Variants in RAB3GAP1 observed in about 807,000 individuals in gnomAD.
RAB3GAP1 encodes the protein RAB3 GTPase activating protein catalytic subunit 1, also known as rab3 GTPase-activating protein catalytic subunit.
In RAB3GAP1, 86 loss-of-function variants were observed where a neutral mutation model predicts 130.7. That is an observed-to-expected ratio of 0.66 (90% CI 0.55 to 0.79). The LOEUF (loss-of-function observed/expected upper bound fraction) is 0.79. Among genes scored for constraint, RAB3GAP1 ranks in the 30% least tolerant of loss-of-function variants. The pLI is 0.00. For missense variants in RAB3GAP1, 1,029 were observed against 1,169.4 expected (o/e 0.88, Z 1.75); for synonymous variants, 367 against 401.7 (o/e 0.91, Z 1.03).
chr2:135,172,103 T>C (rs1036862093), downstream of RAB3GAP1, among the ~76,000 whole-genome samples: 1 of 151,988 alleles, frequency 6.6e-6, no homozygotes, highest in Non-Finnish European at 1.5e-5. Context: ...ATTGGAGAGT[T>C]TGAACCAGGG....
chr2:135,074,495 T>C, intron 3 of RAB3GAP1, among the ~76,000 whole-genome samples: 1 of 152,210 alleles, frequency 6.6e-6, no homozygotes, highest in East Asian at 1.9e-4. Context: ...CTTTGAACTC[T>C]TACCCGATTG....
At chr2:135,137,260 T>G (rs1321322599) in intron 17 of RAB3GAP1, 2 of 409,054 alleles carry the variant, frequency 4.9e-6, no homozygotes, top group Non-Finnish European at 9.7e-6. Context: ...TGTCTGTAGT[T>G]AAAGGTATTG....
At chr2:135,070,668 C>A (rs149630753) in intron 3 of RAB3GAP1, among the ~76,000 whole-genome samples, 2 of 152,056 alleles carry the variant, frequency 1.3e-5, no homozygotes, top group Admixed American at 1.3e-4. Flanking sequence ...CCATCACGCC[C>A]GTCCAATTTT....
chr2:135,099,463 G>A (rs7575424), intron 5 of RAB3GAP1, among the ~76,000 whole-genome samples: 39,358 of 149,128 alleles, frequency 0.26, 8,446 homozygotes, highest in African/African-American at 0.6. Flanking sequence ...GTGTGTGTGT[G>A]TGTATGTATG....
At chr2:135,113,031 C>T (rs1238399454) in intron 5 of RAB3GAP1, 120 bp from the exon 6 acceptor site, 2 of 1,400,056 alleles carry the variant, frequency 1.4e-6, no homozygotes, top group Non-Finnish European at 2.0e-6. Context: ...AAAAGAAACA[C>T]TTTTAGTTTA....
chr2:135,165,076 C>A (rs1485499944), intron 23 of RAB3GAP1: 1 of 448,334 alleles, frequency 2.2e-6, no homozygotes, highest in African/African-American at 2.0e-5. Flanking sequence ...CCATGTAGGG[C>A]AAAGTGGAGT....
chr2:135,112,834 T>TCACACACACACA (rs200860381), intron 5 of RAB3GAP1, among the ~76,000 whole-genome samples: 2 of 132,372 alleles, frequency 1.5e-5, no homozygotes, highest in Non-Finnish European at 3.1e-5. Context: ...TCTCTCTCTC[T>TCACACACACACA]CACACACACA....
intron 16 of RAB3GAP1, 72 bp from the exon 17 acceptor site, chr2:135,135,492 A>T (rs1691652274): frequency 2.7e-6 from 4 of 1,489,954 alleles, no homozygotes; most frequent in Non-Finnish European, 3.6e-6. Flanking sequence ...AAAATTAAAT[A>T]TTCAAGCAGT....
chr2:135,097,216 C>CTTTT (rs11396739), intron 5 of RAB3GAP1, among the ~76,000 whole-genome samples: 3 of 139,910 alleles, frequency 2.1e-5, no homozygotes, highest in African/African-American at 5.3e-5. Context: ...GTCCTTCCCA[C>CTTTT]TTTTTTTTTT....
At chr2:135,116,757 A>G (rs1173495924) in intron 7 of RAB3GAP1, among the ~76,000 whole-genome samples, 1 of 152,166 alleles carries the variant, frequency 6.6e-6, no homozygotes, top group East Asian at 1.9e-4. Context: ...AAAAAATGTC[A>G]TATGCATAAT....
chr2:135,086,486 G>A (rs1048330119), intron 3 of RAB3GAP1, among the ~76,000 whole-genome samples: 6 of 151,884 alleles, frequency 4.0e-5, no homozygotes, highest in African/African-American at 9.7e-5. Context: ...TAGTCATCTG[G>A]TAATTAATCA....
intron 19 of RAB3GAP1, among the ~76,000 whole-genome samples, chr2:135,156,549 A>T (rs1454237057): frequency 6.6e-6 from 1 of 152,232 alleles, no homozygotes; most frequent in East Asian, 1.9e-4. Flanking sequence ...TTAAGTAGAA[A>T]ATTGTATCTC....
intron 17 of RAB3GAP1, among the ~76,000 whole-genome samples, chr2:135,142,882 G>GT (rs140298662): frequency 2.7e-5 from 4 of 149,780 alleles, no homozygotes; most frequent in African/African-American, 9.9e-5. Context: ...TACAGCTGGA[G>GT]TTTATTTTTT....
At chr2:135,102,969 C>T (rs540560186) in intron 5 of RAB3GAP1, among the ~76,000 whole-genome samples, 3 of 139,094 alleles carry the variant, frequency 2.2e-5, no homozygotes, top group Non-Finnish European at 3.0e-5. Flanking sequence ...AAGTCAAGAT[C>T]GCACACCAGA....
chr2:135,127,932 T>G (rs933621900), intron 11 of RAB3GAP1, among the ~76,000 whole-genome samples: 2 of 152,196 alleles, frequency 1.3e-5, no homozygotes, highest in African/African-American at 4.8e-5. Flanking sequence ...CCTTGTCATC[T>G]TTTTCCTCCT....
chr2:135,097,192 G>A (rs1690322047), intron 5 of RAB3GAP1, among the ~76,000 whole-genome samples: 3 of 147,756 alleles, frequency 2.0e-5, no homozygotes, highest in South Asian at 4.3e-4. Context: ...TTGTCTCTTA[G>A]TAAGCATAGG....
chr2:135,067,334 A>G (rs1402431066), intron 3 of RAB3GAP1, among the ~76,000 whole-genome samples: 1 of 152,158 alleles, frequency 6.6e-6, no homozygotes, highest in African/African-American at 2.4e-5. Flanking sequence ...GCTACTCACA[A>G]CCTTGTTTGG....
intron 5 of RAB3GAP1, among the ~76,000 whole-genome samples, chr2:135,109,785 T>C (rs1690744428): frequency 1.3e-5 from 2 of 151,986 alleles, no homozygotes; most frequent in Non-Finnish European, 2.9e-5. Context: ...GGTTTCACCA[T>C]GTTAGCCAGG....
At chr2:135,098,012 C>T (rs1000731909) in intron 5 of RAB3GAP1, among the ~76,000 whole-genome samples, 4 of 152,108 alleles carry the variant, frequency 2.6e-5, no homozygotes, top group Admixed American at 1.3e-4. Flanking sequence ...TATGAAAATT[C>T]CAGTTTCTAC....
Sources: gnomAD v4.1 joint callset for allele counts (sites outside exome capture counted in the v4.1 genomes callset) on GRCh38, gnomAD v4.1.1 for gene constraint, MANE v1.5 for transcripts, NCBI Gene and HGNC (gene_info 2026-07-23, HGNC 2026-07-21) for gene names.